The following DCK variants were observed in gnomAD, a reference collection of about 807,000 sequenced individuals.
DCK encodes the protein deoxyadenosine kinase.
A neutral mutation model predicts 38.3 loss-of-function variants in DCK; 23 were observed. That is an observed-to-expected ratio of 0.60 (90% CI 0.43 to 0.85). The LOEUF is 0.85. DCK is among the 40% of genes least tolerant of loss of function. DCK has a pLI of 0.00. For missense variants in DCK, 259 were observed against 304.4 expected, an observed-to-expected ratio of 0.85 and a Z score of 1.11; for synonymous variants, 108 against 100.6, an observed-to-expected ratio of 1.07 and a Z score of -0.44.
In DCK at chr4:71,025,807, T is replaced by G; in HGVS notation, c.550-9T>G. On this transcript the variant is annotated splice_polypyrimidine_tract_variant and intron_variant, in intron 4 of 6. Transcript: ENST00000286648. Reference sequence around the variant, plus strand: ...CCTTTTTCTTCCATCTCTTATTACTTGCTTTTAGACATGCTTACATAGAAT... The same window carrying G: ...CCTTTTTCTTCCATCTCTTATTACTGGCTTTTAGACATGCTTACATAGAAT... The G allele has an allele frequency of 6.3e-7, 1 of 1,583,666 alleles. No homozygotes were observed. The highest frequency in any genetic ancestry group is 8.6e-7 in the Non-Finnish European group (1 of 1,169,504).
At chr4:70,995,885 C>T (rs1739649538) in intron 1 of DCK, among the ~76,000 whole-genome samples, 1 of 151,898 alleles carries the variant, frequency 6.6e-6, no homozygotes, top group Non-Finnish European at 1.5e-5. Flanking sequence ...TGATAGCCTG[C>T]AATTGCACAA....
intron 2 of DCK, among the ~76,000 whole-genome samples, chr4:71,009,585 G>C (rs543335837): frequency 4.8e-4 from 73 of 152,216 alleles, no homozygotes; most frequent in African/African-American, 1.7e-3. Flanking sequence ...TAGCATGCAG[G>C]TGATCCTATT....
chr4:70,995,179 T>G (rs1376591979), intron 1 of DCK, among the ~76,000 whole-genome samples: 1 of 152,180 alleles, frequency 6.6e-6, no homozygotes, highest in Non-Finnish European at 1.5e-5. Context: ...TAATTAGCAA[T>G]GTAAGTTATT....
chr4:71,018,666 ATTTTTTT>A (rs11315015), intron 2 of DCK, among the ~76,000 whole-genome samples: 1 of 83,322 alleles, frequency 1.2e-5, no homozygotes, highest in Non-Finnish European at 2.5e-5. Flanking sequence ...TATTTTTTAG[ATTTTTTT>A]TTTTTTTTTT....
chr4:71,012,522 G>T (rs1052223304), intron 2 of DCK, among the ~76,000 whole-genome samples: 6 of 152,208 alleles, frequency 3.9e-5, no homozygotes, highest in African/African-American at 1.4e-4. Flanking sequence ...CCCCCAGTAG[G>T]GGGAGACTGA....
Position 71,030,181 on chromosome 4 carries a change from A to G in DCK, c.*803A>G, listed in dbSNP as rs919488022. ...TAGGAAATAAAATTAATGAAGACAG[A>G]GGCTAGAAAGCATCCATTAATTAAT... On this transcript the variant is annotated 3_prime_UTR_variant, in exon 7 of 7. Coordinates refer to ENST00000286648, the MANE Select transcript of DCK (RefSeq NM_000788.3). 2.6e-5 allele frequency: 4 copies of G among 152,644 alleles called. No individual in the cohort carries two copies. The highest frequency in any genetic ancestry group is 6.5e-5 in the Admixed American group (1 of 15,290). 9.5% of individuals were successfully genotyped at this position (152,644 alleles called of 1,614,324 possible).
chr4:71,008,773 T>G (rs1003448627), intron 2 of DCK, among the ~76,000 whole-genome samples: 3 of 152,210 alleles, frequency 2.0e-5, no homozygotes, highest in Non-Finnish European at 4.4e-5. Flanking sequence ...AACTGACATA[T>G]AAAACCAAAA....
chr4:71,011,722 A>G (rs76552670), intron 2 of DCK, among the ~76,000 whole-genome samples: 27 of 152,212 alleles, frequency 1.8e-4, no homozygotes, highest in African/African-American at 5.8e-4. Context: ...ACTTAATTCA[A>G]CTCTTTTGCA....
chr4:71,011,532 T>A (rs1353676380), intron 2 of DCK, among the ~76,000 whole-genome samples: 13 of 152,154 alleles, frequency 8.5e-5, no homozygotes. Context: ...AATTTTTGTA[T>A]TTTTTATAGC....
Position 71,029,238 on chromosome 4 carries a change from GTTAC to G in DCK, c.757-110_757-107del, listed in dbSNP as rs1207062054. On this transcript the variant is annotated intron_variant, in intron 6 of 6. Transcript: ENST00000286648. Reference sequence around the variant, plus strand: ...AAGTAAATGCAATGGCATTGTGGTAGTTACTTATACAGCTGGGGTCTTCAACTAT... The same window carrying G: ...AAGTAAATGCAATGGCATTGTGGTAGTTATACAGCTGGGGTCTTCAACTAT... 1.2e-5 allele frequency: 7 copies of G among 588,082 alleles called. No homozygotes were observed. The Admixed American group carries it at 2.0e-4, about 17-fold the overall frequency. 36.4% of individuals were successfully genotyped at this position (588,082 alleles called of 1,614,324 possible).
intron 2 of DCK, among the ~76,000 whole-genome samples, chr4:71,016,805 T>C (rs1384593026): frequency 6.6e-6 from 1 of 152,190 alleles, no homozygotes; most frequent in East Asian, 1.9e-4. Context: ...AAGACTTAAA[T>C]GTTAGACCTA....
intron 2 of DCK, among the ~76,000 whole-genome samples, chr4:71,020,043 C>T (rs916329607): frequency 6.6e-6 from 1 of 152,240 alleles, no homozygotes; most frequent in Non-Finnish European, 1.5e-5. Context: ...CTGCCTCGGC[C>T]TCCCAAAGTG....
At chr4:71,005,378 C>T (rs535599523) in intron 2 of DCK, among the ~76,000 whole-genome samples, 1 of 152,036 alleles carries the variant, frequency 6.6e-6, no homozygotes, top group Non-Finnish European at 1.5e-5. Flanking sequence ...ATTGGTCTCA[C>T]TGGGAGCTGC....
Position 70,997,806 on chromosome 4 carries a change from C to T in DCK, c.92-261C>T, listed in dbSNP as rs556574428. ...GGTGTGGTGGCCATTAGGAGTATTA[C>T]TTCTAGGTCAAGACTGTCCCTACTA... On this transcript the variant is annotated intron_variant, in intron 1 of 6. Coordinates refer to ENST00000286648, the MANE Select transcript of DCK (RefSeq NM_000788.3). 3.5e-4 allele frequency among the ~76,000 whole-genome samples: 53 copies of T among 152,290 alleles called. No homozygotes were observed. The South Asian group carries it at 0.01, about 30-fold the overall frequency.
chr4:71,010,830 A>G (rs1226348078), intron 2 of DCK, among the ~76,000 whole-genome samples: 1 of 151,614 alleles, frequency 6.6e-6, no homozygotes, highest in Admixed American at 6.6e-5. Context: ...TTTATCCAAT[A>G]CTTCTTACCA....
rs6446988 is a variant in DCK at position 70,998,296 on chromosome 4, A to G, written c.207+114A>G. On this transcript the variant is annotated intron_variant, in intron 2 of 6. Transcript: ENST00000286648. ...AACTTTCAAATCTCGCTTTAGGTAT[A>G]TATCTTCATCTAGGTGGTGGTTACA... 452,044 of 499,438 alleles carry G rather than the reference A, an allele frequency of 0.91. 211,652 individuals carry two copies. The highest frequency in any genetic ancestry group is 0.97 in the Non-Finnish European group (272,596 of 281,756). The allele number at this position is 499,438 out of a possible 1,614,324, so 30.9% of individuals were successfully genotyped here.
chr4:70,998,984 T>C (rs1366805123), intron 2 of DCK, among the ~76,000 whole-genome samples: 2 of 152,134 alleles, frequency 1.3e-5, no homozygotes, highest in East Asian at 3.8e-4. Context: ...TTATGCACTT[T>C]AAGTAAAGTA....
intron 5 of DCK, 61 bp downstream of exon 5, chr4:71,025,992 A>T: frequency 1.4e-6 from 2 of 1,445,462 alleles, no homozygotes; most frequent in South Asian, 1.7e-5. Flanking sequence ...GTTAAATTTT[A>T]ATCTAAAATT....
rs749748134 is a variant in DCK, at chr4:71,029,332, T to G, written c.757-20T>G. The G allele has an allele frequency of 1.3e-6, 2 of 1,558,674 alleles. No individual in the cohort carries two copies. The highest frequency in any genetic ancestry group is 1.4e-5 in the African/African-American group (1 of 72,532). ...ATTAGTCAAGGAATTATACTGATTTTTTTTTCTTCCTTTCCTCAGGTCAAA... is the reference window on the plus strand; with the variant it reads ...ATTAGTCAAGGAATTATACTGATTTGTTTTTCTTCCTTTCCTCAGGTCAAA... On this transcript the variant is annotated intron_variant, in intron 6 of 6. Transcript: ENST00000286648.
Sources: allele counts gnomAD v4.1 joint callset (sites outside exome capture counted in the v4.1 genomes callset), GRCh38; gene constraint gnomAD v4.1.1; transcripts MANE v1.5; gene names NCBI Gene and HGNC (gene_info 2026-07-23, HGNC 2026-07-21).